Variants in KANK1 observed in about 807,000 individuals in gnomAD.
KANK1 encodes KN motif and ankyrin repeat domains 1, also known as KN motif and ankyrin repeat domain-containing protein 1.
KANK1 carries 109 observed loss-of-function variants against 106.2 expected under a neutral mutation model. The ratio of observed to expected loss-of-function variants is 1.03; its 90% CI spans 0.88 to 1.20. The LOEUF is 1.20. KANK1 is among the 50% of genes most tolerant of loss of function. The pLI is 0.00. For missense variants in KANK1, 2,399 were observed against 1,710.7 expected (o/e 1.40, Z -7.10); for synonymous variants, 873 against 652.2 (o/e 1.34, Z -5.16).
intron 1 of KANK1, among the ~76,000 whole-genome samples, chr9:617,360 GA>G: frequency 6.6e-6 from 1 of 152,302 alleles, no homozygotes; most frequent in Non-Finnish European, 1.5e-5. Context: ...AAGGATTGGG[GA>G]GGAGGGGGGT....
intron 2 of KANK1, among the ~76,000 whole-genome samples, chr9:681,882 A>C (rs1305359190): frequency 6.6e-6 from 1 of 152,170 alleles, no homozygotes; most frequent in East Asian, 1.9e-4. Flanking sequence ...TCCCCAATTG[A>C]TTATAGCTTT....
intron 1 of KANK1, among the ~76,000 whole-genome samples, chr9:609,373 A>G (rs963770148): frequency 6.6e-6 from 1 of 152,200 alleles, no homozygotes; most frequent in Non-Finnish European, 1.5e-5. Context: ...CACGCCTGTA[A>G]TCCCAGCACT....
chr9:630,588 G>C (rs1835453315), intron 1 of KANK1, among the ~76,000 whole-genome samples: 1 of 151,824 alleles, frequency 6.6e-6, no homozygotes, highest in Non-Finnish European at 1.5e-5. Context: ...TTCGTTTCAG[G>C]TGGAAGGTGA....
intron 1 of KANK1, among the ~76,000 whole-genome samples, chr9:569,455 G>C (rs1419390759): frequency 3.9e-5 from 6 of 152,074 alleles, no homozygotes; most frequent in African/African-American, 1.4e-4. Context: ...AGGGACCTGA[G>C]CTAGCACACT....
chr9:652,094 G>A (rs1003598068), intron 1 of KANK1, among the ~76,000 whole-genome samples: 2 of 152,134 alleles, frequency 1.3e-5, no homozygotes, highest in Non-Finnish European at 2.9e-5. Flanking sequence ...ATTAGAATGT[G>A]TAGGCCCTAT....
At chr9:483,666 G>T (rs2058245083) in intron 3 of KANK1, among the ~76,000 whole-genome samples, 1 of 152,148 alleles carries the variant, frequency 6.6e-6, no homozygotes, top group Non-Finnish European at 1.5e-5. Context: ...GATCCATAAT[G>T]AAATGGAAGT....
At chr9:628,177 C>T (rs957641781) in intron 1 of KANK1, among the ~76,000 whole-genome samples, 6 of 152,150 alleles carry the variant, frequency 3.9e-5, no homozygotes, top group African/African-American at 1.4e-4. Flanking sequence ...AGTCCGAAAA[C>T]AAGTGGACGG....
At chr9:632,207 A>C (rs10815386) in intron 1 of KANK1, among the ~76,000 whole-genome samples, 22,489 of 152,174 alleles carry the variant, frequency 0.15, 1,826 homozygotes, top group Admixed American at 0.17. Context: ...CTTTAACATC[A>C]GATATTGGCA....
At chr9:547,770 C>G (rs921878007) in intron 1 of KANK1, among the ~76,000 whole-genome samples, 1 of 142,962 alleles carries the variant, frequency 7.0e-6, no homozygotes, top group African/African-American at 2.4e-5. Flanking sequence ...TGGTCTGGCA[C>G]TCCACAAAAT....
intron 7 of KANK1, among the ~76,000 whole-genome samples, chr9:737,704 G>C (rs1475858289): frequency 6.6e-6 from 1 of 152,206 alleles, no homozygotes; most frequent in Non-Finnish European, 1.5e-5. Context: ...AATTGGGTTG[G>C]CTATACACGT....
intron 1 of KANK1, among the ~76,000 whole-genome samples, chr9:593,657 A>G (rs1161575906): frequency 6.6e-6 from 1 of 151,796 alleles, no homozygotes; most frequent in Non-Finnish European, 1.5e-5. Context: ...GTTGGATGTA[A>G]TCTTACAGAG....
In KANK1 at chr9:534,794, G is replaced by C. The variant is rs1233957971; in HGVS notation, c.-84+30040G>C. On this transcript the variant is annotated intron_variant, in intron 1 of 11. Transcript: ENST00000382297. ...GATAAAAGCACCAACACTAAAACATGTTTACAATAAGAAAGCTGTTTATTC... is the reference window on the plus strand; with the variant it reads ...GATAAAAGCACCAACACTAAAACATCTTTACAATAAGAAAGCTGTTTATTC... 2.0e-5 allele frequency among the ~76,000 whole-genome samples: 3 copies of C among 152,170 alleles called. No homozygotes were observed. The East Asian group carries it at 5.8e-4, about 29-fold the overall frequency.
At position 582,306 on chromosome 9, in the gene KANK1, G is replaced by C. The variant is rs116833996; in HGVS notation, c.-84+77552G>C. Among the ~76,000 whole-genome samples the C allele has an allele frequency of 7.2e-3, 1,101 of 152,210 alleles. 18 individuals are homozygous for C. Among genetic ancestry groups the C allele is most frequent in the African/African-American group, 0.025 (1,049 of 41,536 alleles). On this transcript the variant is annotated intron_variant, in intron 1 of 11. Coordinates refer to ENST00000382297, the MANE Select transcript of KANK1 (RefSeq NM_015158.5). ...GAGGCATTTCTTTGTTGTTGTTGTT[G>C]TTTGGCTGTTTCCAAAACCCATTTG...
Position 624,416 on chromosome 9 carries a change from CA to C in KANK1, c.-83-52473del, listed in dbSNP as rs1188355936. ...GCAATCTATATTTATATCAAATAAT[CA>C]CATTGTATACTTTGAATACGTATAA... On this transcript the variant is annotated intron_variant, in intron 1 of 11. Transcript: ENST00000382297. Among the ~76,000 whole-genome samples, 24 of 152,232 alleles carry C rather than the reference CA, an allele frequency of 1.6e-4. No individual in the cohort carries two copies. In the East Asian group the frequency reaches 3.9e-3, roughly 24 times the overall value.
intron 1 of KANK1, among the ~76,000 whole-genome samples, chr9:570,073 TG>T: frequency 6.6e-6 from 1 of 152,296 alleles, no homozygotes; most frequent in East Asian, 1.9e-4. Context: ...CTCCTTGTAT[TG>T]GGTTTTTTGT....
intron 6 of KANK1, 73 bp downstream of exon 6, chr9:732,690 C>G (rs1832654401): frequency 1.3e-6 from 2 of 1,523,890 alleles, no homozygotes; most frequent in African/African-American, 2.7e-5. Flanking sequence ...TTGGCCAGTT[C>G]AGAGCTTTTG....
rs540447162 is a variant in KANK1 at position 488,109 on chromosome 9, C to T, written c.-362+14836C>T. ...TATGAGGAGATGGTCAACATGGCTA[C>T]GAACTCCACATGAACTCAGTATTAA... On this transcript the variant is annotated intron_variant, in intron 3 of 15. Transcript: ENST00000382303. 3.3e-5 allele frequency among the ~76,000 whole-genome samples: 5 copies of T among 152,284 alleles called. No homozygotes were observed. The South Asian group carries it at 1.0e-3, about 32-fold the overall frequency.
intron 2 of KANK1, among the ~76,000 whole-genome samples, chr9:703,026 C>T (rs1053779273): frequency 7.9e-5 from 12 of 152,102 alleles, no homozygotes; most frequent in African/African-American, 2.9e-4. Flanking sequence ...GAGTCTCTCT[C>T]TGTTGCCCAG....
intron 3 of KANK1, among the ~76,000 whole-genome samples, chr9:719,241 A>G (rs1430126228): frequency 6.6e-6 from 1 of 152,192 alleles, no homozygotes; most frequent in Non-Finnish European, 1.5e-5. Context: ...TGCTGGGATT[A>G]CAGGCGTGAG....
Sources: gnomAD v4.1 joint callset for allele counts (sites outside exome capture counted in the v4.1 genomes callset) on GRCh38, gnomAD v4.1.1 for gene constraint, MANE v1.5 for transcripts, NCBI Gene and HGNC (gene_info 2026-07-23, HGNC 2026-07-21) for gene names.